PRDM15: variants seen among roughly 807,000 people sequenced by gnomAD.
PRDM15 encodes PR domain zinc finger protein 15.
PRDM15 carries 64 observed loss-of-function variants against 128.6 expected under a neutral mutation model. That is an observed-to-expected ratio of 0.50 (90% confidence interval 0.41 to 0.61). The LOEUF (loss-of-function observed/expected upper bound fraction) is 0.61, where lower values mean the gene tolerates loss of function less well. PRDM15 is among the 20% of genes least tolerant of loss of function. The pLI is 0.00. For missense variants in PRDM15, 1,242 were observed against 1,569.1 expected, an observed-to-expected ratio of 0.79 and a Z score of 3.52; for synonymous variants, 615 against 621.8, an observed-to-expected ratio of 0.99 and a Z score of 0.16.
chr21:41,809,467 G>C (rs868825282), intron 21 of PRDM15, among the ~76,000 whole-genome samples: 1 of 152,148 alleles, frequency 6.6e-6, no homozygotes, highest in Middle Eastern at 3.4e-3. Flanking sequence ...TCTTAACCTC[G>C]TGATCCACTC....
intron 4 of PRDM15, among the ~76,000 whole-genome samples, chr21:41,856,141 T>C (rs1471602756): frequency 4.8e-4 from 1 of 2,094 alleles, no homozygotes; most frequent in Admixed American, 3.9e-3. Context: ...CCTCCCTTCC[T>C]TTCCTTCCTT....
chr21:41,874,525 A>ATATATATATATATATATATATATATATTT, intron 1 of PRDM15, among the ~76,000 whole-genome samples: 1 of 95,828 alleles, frequency 1.0e-5, no homozygotes, highest in African/African-American at 4.2e-5. Flanking sequence ...ATATATATAT[A>ATATATATATATATATATATATATATATTT]TTTTTTTTTT....
At chr21:41,807,336 A>T (rs182929242) in intron 21 of PRDM15, among the ~76,000 whole-genome samples, 41 of 152,328 alleles carry the variant, frequency 2.7e-4, no homozygotes, top group Admixed American at 2.4e-3. Flanking sequence ...TGCCTGTTTA[A>T]CTAGTCCAAC....
rs1201157353 is a variant in PRDM15 at position 41,802,841 on chromosome 21, C to T, written c.2814G>A (p.Gln938=). The T allele has an allele frequency of 1.2e-6, 2 of 1,614,198 alleles. No homozygotes were observed. The highest frequency in any genetic ancestry group is 3.3e-5 in the Admixed American group (2 of 60,034). ...GAGCACCCGCCTCCTCTTCTGGCTTCTGCTTTCTCTTGTGACTTCGCTTGG... is the reference window on the plus strand; with the variant it reads ...GAGCACCCGCCTCCTCTTCTGGCTTTTGCTTTCTCTTGTGACTTCGCTTGG... The part of the protein sequence containing the change: ...KAAKRSHKRK[Q]KPEEEAGAPV... Residue 938 remains glutamine (Q), a synonymous_variant, in exon 23 of 24, where the codon CAG becomes CAA. Coordinates refer to ENST00000398548, the MANE Select transcript of PRDM15 (RefSeq NM_001040424.3).
chr21:41,837,471 G>A (rs1262402325), intron 8 of PRDM15, among the ~76,000 whole-genome samples: 1 of 152,154 alleles, frequency 6.6e-6, no homozygotes, highest in African/African-American at 2.4e-5. Flanking sequence ...CCACTTATAA[G>A]ACATCTCTAG....
chr21:41,860,091 C>T (rs556301379), intron 2 of PRDM15, among the ~76,000 whole-genome samples: 2 of 152,308 alleles, frequency 1.3e-5, no homozygotes, highest in East Asian at 1.9e-4. Flanking sequence ...GTGCTACCCC[C>T]TGCAAAGTGC....
Position 41,836,490 on chromosome 21 carries a change from C to T in PRDM15, c.1161G>A (p.Leu387=). The change falls in exon 9 of 24, where the codon CTG becomes CTA. Residue 387 remains leucine (L), a synonymous_variant. Coordinates refer to ENST00000398548, the MANE Select transcript of PRDM15 (RefSeq NM_001040424.3). ...CACCATGCGAGCGCACGTGCCTGCTCAGGTTGCTGCTGTTCTGGAAGATCT... is the reference window on the plus strand; with the variant it reads ...CACCATGCGAGCGCACGTGCCTGCTTAGGTTGCTGCTGTTCTGGAAGATCT... ...CSKIFQNSSN[L]SRHVRSHGDK... is the part of the protein sequence containing the mutation. 6.2e-7 allele frequency: 1 copy of T among 1,611,776 alleles called. No homozygotes were observed. Among genetic ancestry groups the T allele is most frequent in the South Asian group, 1.1e-5 (1 of 90,984 alleles).
chr21:41,808,723 A>C (rs1200530639), intron 21 of PRDM15, among the ~76,000 whole-genome samples: 1 of 152,040 alleles, frequency 6.6e-6, no homozygotes, highest in African/African-American at 2.4e-5. Context: ...GTGTATACAC[A>C]CATTATATAT....
intron 1 of PRDM15, among the ~76,000 whole-genome samples, chr21:41,870,216 A>G (rs2064163117): frequency 6.6e-6 from 1 of 152,232 alleles, no homozygotes; most frequent in South Asian, 2.1e-4. Context: ...CACCCAAAAT[A>G]TTATGTCAAC....
chr21:41,842,920 G>A (rs2063118056), intron 6 of PRDM15, among the ~76,000 whole-genome samples: 2 of 151,978 alleles, frequency 1.3e-5, no homozygotes, highest in Admixed American at 1.3e-4. Context: ...AGGTATCTGG[G>A]ACTACAGGCA....
rs757665530 is a variant in PRDM15, at chr21:41,801,322, G to A, written c.3344C>T (p.Ser1115Leu). The change falls in exon 24 of 24, where the codon TCG becomes TTG. Residue 1115 changes from serine (S) to leucine (L), a missense_variant. Ser to Leu is a moderately radical substitution (Grantham distance 145). Around this residue, in one of 3 missense-constraint regions of PRDM15, gnomAD observed 602 missense variants for 788.3 expected, o/e 0.76. Coordinates refer to ENST00000398548, the MANE Select transcript of PRDM15 (RefSeq NM_001040424.3). ...CTGCTGTGGGGGTGCCTGCGGCTGC[G>A]AGGGTGGCAAGACGTCAGTCTGGGG... ...AVPQTDVLPP[S>L]QPQAPPQQAA... 8.2e-6 allele frequency: 13 copies of A among 1,581,376 alleles called. No homozygotes were observed. In the South Asian group the frequency reaches 9.3e-5, roughly 11 times the overall value.
In PRDM15 at chr21:41,801,417, G is replaced by C. The variant is rs2061413032; in HGVS notation, c.3249C>G (p.Thr1083=). The C allele has an allele frequency of 1.2e-6, 2 of 1,614,098 alleles. No individual in the cohort carries two copies. Among genetic ancestry groups the C allele is most frequent in the Admixed American group, 1.7e-5 (1 of 60,032 alleles). The change falls in exon 24 of 24, where the codon ACC becomes ACG. Residue 1083 remains threonine (T), a synonymous_variant. Transcript: ENST00000398548. Reference sequence around the variant, plus strand: ...CCAGGGGCGTGATGGAGTTGACCAGGGTCGTCAGGTTGATGAAATGGGCCA... The same window carrying C: ...CCAGGGGCGTGATGGAGTTGACCAGCGTCGTCAGGTTGATGAAATGGGCCA... ...QSVAHFINLT[T]LVNSITPLGS...
At chr21:41,801,858 T>A (rs1316737376) in intron 23 of PRDM15, 136 bp from the exon 24 acceptor site, 1 of 1,037,776 alleles carries the variant, frequency 9.6e-7, no homozygotes, top group Admixed American at 3.0e-5. Flanking sequence ...CCGAGTTAAT[T>A]TTGTTCTGGA....
rs544000757 is a variant in PRDM15, at chr21:41,867,306, C to A, written c.-9-6934G>T. The A allele has an allele frequency of 9.3e-6, 15 of 1,612,924 alleles. No homozygotes were observed. The Admixed American group carries it at 2.0e-4, about 22-fold the overall frequency. On this transcript the variant is annotated intron_variant, in intron 1 of 23. Coordinates refer to ENST00000398548, the MANE Select transcript of PRDM15 (RefSeq NM_001040424.3). ...TTTCTACTCTAGCCCTGACCTCCTC[C>A]GTTCGCAATCTTCCCCAGGGCTGGG...
chr21:41,875,361 G>C (rs974723716), intron 1 of PRDM15, among the ~76,000 whole-genome samples: 1 of 152,260 alleles, frequency 6.6e-6, no homozygotes, highest in Non-Finnish European at 1.5e-5. Flanking sequence ...CTGATGCCTG[G>C]AACCAGGAGC....
Position 41,879,164 on chromosome 21 carries a change from G to C in PRDM15, c.-10+106C>G, listed in dbSNP as rs1332121668. 1.1e-6 allele frequency: 1 copy of C among 894,160 alleles called. No individual in the cohort carries two copies. Among genetic ancestry groups the C allele is most frequent in the South Asian group, 5.0e-5 (1 of 20,044 alleles). 55.4% of individuals were successfully genotyped at this position (894,160 alleles called of 1,614,324 possible). On this transcript the variant is annotated intron_variant, in intron 1 of 23. Coordinates refer to ENST00000398548, the MANE Select transcript of PRDM15 (RefSeq NM_001040424.3). This position sits in a 1 kb window ranked among gnomAD's most constrained non-coding sequence, Gnocchi z 5.1. ...GGCTGCCGGGCGCGGGGGGCGGGGG[G>C]CAGCGGGCCCAGGGCGCGCCGGGGC...
At chr21:41,874,525 A>ATATATTTTTTTTTTTTT in intron 1 of PRDM15, among the ~76,000 whole-genome samples, 1 of 95,828 alleles carries the variant, frequency 1.0e-5, no homozygotes, top group African/African-American at 4.2e-5. Flanking sequence ...ATATATATAT[A>ATATATTTTTTTTTTTTT]TTTTTTTTTT....
At chr21:41,842,810 A>C (rs1434088802) in intron 6 of PRDM15, among the ~76,000 whole-genome samples, 2 of 111,546 alleles carry the variant, frequency 1.8e-5, no homozygotes, top group Non-Finnish European at 3.6e-5. Flanking sequence ...TTTGAGACGG[A>C]GTCTCACTCT....
At position 41,828,114 on chromosome 21, in the gene PRDM15, C is replaced by G. The variant is rs1249422301; in HGVS notation, c.1534+52G>C. The G allele has an allele frequency of 1.1e-5, 18 of 1,598,040 alleles. No individual in the cohort carries two copies. In the East Asian group the frequency reaches 4.0e-4, roughly 36 times the overall value. On this transcript the variant is annotated intron_variant, in intron 12 of 23. Coordinates refer to ENST00000398548, the MANE Select transcript of PRDM15 (RefSeq NM_001040424.3). This position sits in a 1 kb window ranked among gnomAD's most constrained non-coding sequence, Gnocchi z 5.7. ...GACTGCTCCATGCCGCCCTGCCCCA[C>G]CCCGCAGGAGCTGCCTCTCCCCGCC...
Sources: allele counts gnomAD v4.1 joint callset (sites outside exome capture counted in the v4.1 genomes callset), GRCh38; gene constraint gnomAD v4.1.1; regional missense constraint gnomAD v4.1.1; non-coding constraint Gnocchi (gnomAD v3.1); transcripts MANE v1.5; gene names NCBI Gene and HGNC (gene_info 2026-07-23, HGNC 2026-07-21).